Variants in NRXN3 observed in about 807,000 individuals in gnomAD.
NRXN3 encodes the protein neurexin III.
Under a neutral mutation model 137.6 loss-of-function variants are expected in NRXN3, and 32 were observed. That is an observed-to-expected ratio of 0.23 (90% confidence interval 0.18 to 0.31). NRXN3 has a LOEUF of 0.31. NRXN3 is among the 10% of genes least tolerant of loss of function. The probability of loss-of-function intolerance (pLI) is 1.00; values close to 1 mark genes in which losing one functional copy is unlikely to be tolerated. For missense variants in NRXN3, 1,574 were observed against 2,062.5 expected (o/e 0.76, Z 4.59); for synonymous variants, 798 against 784.5 (o/e 1.02, Z -0.29).
chr14:78,798,992 A>G (rs2098794), intron 8 of NRXN3, among the ~76,000 whole-genome samples: 149,826 of 152,296 alleles, frequency 0.98, 73,743 homozygotes, highest in East Asian at 1. Context: ...CTTCTGGGGC[A>G]CCTGCAGTTG....
intron 15 of NRXN3, among the ~76,000 whole-genome samples, chr14:79,235,827 T>C (rs1297586631): frequency 6.6e-6 from 1 of 152,122 alleles, no homozygotes; most frequent in East Asian, 1.9e-4. Flanking sequence ...GAGTAAAGAT[T>C]GTACTCATCA....
chr14:78,807,420 C>G (rs559091505), intron 9 of NRXN3, among the ~76,000 whole-genome samples: 1 of 152,184 alleles, frequency 6.6e-6, no homozygotes, highest in South Asian at 2.1e-4. Flanking sequence ...ATGCTCGACC[C>G]AAAGCTCAAC....
intron 6 of NRXN3, among the ~76,000 whole-genome samples, chr14:78,663,401 G>A (rs1485058083): frequency 6.6e-6 from 1 of 152,148 alleles, no homozygotes; most frequent in African/African-American, 2.4e-5. Context: ...TGAGAGGAAG[G>A]CAGTTTTTGC....
rs537950915 is a variant in NRXN3, at chr14:79,045,140, G to A, written c.3262+56999G>A. On this transcript the variant is annotated intron_variant, in intron 15 of 20. Transcript: ENST00000335750. The stretch of plus-strand genomic sequence containing the variant: ...AGACAATCCTACTCCCCCAATCCCC[G>A]TTTTCTGTTTATTTGTTTGATTCCT... Among the ~76,000 whole-genome samples the A allele has an allele frequency of 1.3e-4, 20 of 152,158 alleles. No individual in the cohort carries two copies. The South Asian group carries it at 1.5e-3, about 11-fold the overall frequency.
intron 15 of NRXN3, among the ~76,000 whole-genome samples, chr14:79,068,167 G>C (rs12884931): frequency 0.011 from 1,689 of 152,018 alleles, 12 homozygotes; most frequent in South Asian, 0.023. Context: ...TTTTATGTTC[G>C]ATTCTCAGAG....
intron 4 of NRXN3, among the ~76,000 whole-genome samples, chr14:78,514,474 C>T (rs2096170244): frequency 6.6e-6 from 1 of 152,012 alleles, no homozygotes; most frequent in African/African-American, 2.4e-5. Flanking sequence ...ACCCTTTGTG[C>T]CAGGAAGTAA....
intron 15 of NRXN3, among the ~76,000 whole-genome samples, chr14:79,124,602 G>T (rs945900022): frequency 6.6e-6 from 1 of 152,098 alleles, no homozygotes; most frequent in Non-Finnish European, 1.5e-5. Flanking sequence ...AACACAAGAG[G>T]ATACTGTTAA....
At chr14:79,377,340 C>T (rs1205318791) in intron 15 of NRXN3, among the ~76,000 whole-genome samples, 1 of 152,122 alleles carries the variant, frequency 6.6e-6, no homozygotes, top group Non-Finnish European at 1.5e-5. Context: ...TGATTGGAGC[C>T]TCTGAAACTT....
At position 78,425,956 on chromosome 14, in the gene NRXN3, C is replaced by A. The variant is rs866514355; in HGVS notation, c.757+128096C>A. ...ACGTGAGTGGCCTGGGCACCTGATT[C>A]TTGGAAGATCCAGAAGTGGCACTTC... On this transcript the variant is annotated intron_variant, in intron 4 of 20. Transcript: ENST00000335750. Among the ~76,000 whole-genome samples the A allele has an allele frequency of 2.0e-5, 3 of 152,182 alleles. No individual in the cohort carries two copies. In the South Asian group the frequency reaches 6.2e-4, roughly 32 times the overall value.
At chr14:79,839,360 A>G (rs543234251) in intron 20 of NRXN3, among the ~76,000 whole-genome samples, 1 of 152,222 alleles carries the variant, frequency 6.6e-6, no homozygotes, top group African/African-American at 2.4e-5. Flanking sequence ...GAGAAATGTG[A>G]TGCTCTTCAA....
At chr14:78,483,020 C>T (rs1001780402) in intron 4 of NRXN3, among the ~76,000 whole-genome samples, 8 of 152,104 alleles carry the variant, frequency 5.3e-5, no homozygotes, top group African/African-American at 1.7e-4. Flanking sequence ...TTCTCATTTC[C>T]CCACTAGATT....
At position 79,861,446 on chromosome 14, in the gene NRXN3, A is replaced by G; in HGVS notation, c.4198A>G (p.Thr1400Ala). The G allele has an allele frequency of 1.3e-6, 2 of 1,536,634 alleles. No individual in the cohort carries two copies. Among genetic ancestry groups the G allele is most frequent in the Non-Finnish European group, 1.7e-6 (2 of 1,147,020 alleles). Residue 1400 changes from threonine to alanine, a missense_variant, in exon 21 of 21, where the codon ACT becomes GCT. By Grantham distance (58) the Thr-to-Ala change is moderately conservative. Transcript: ENST00000335750. The surrounding 1 kb of genome is among the most constrained non-coding windows in gnomAD (Gnocchi z 5.4). The stretch of plus-strand genomic sequence containing the variant: ...TAACAAAGTCTCCGAAACTAGTAGG[A>G]CTACTACCACATCTTTATCCCCTGA... ...RPNKVSETSR[T>A]TTTSLSPELI...
At chr14:78,749,251 A>G (rs2098629484) in intron 8 of NRXN3, among the ~76,000 whole-genome samples, 1 of 152,176 alleles carries the variant, frequency 6.6e-6, no homozygotes, top group East Asian at 1.9e-4. Flanking sequence ...CACAGAAACT[A>G]TCGATTCCAA....
At chr14:79,141,756 C>T (rs2058806331) in intron 15 of NRXN3, among the ~76,000 whole-genome samples, 1 of 152,180 alleles carries the variant, frequency 6.6e-6, no homozygotes. Flanking sequence ...TGTGCCTTGT[C>T]ATAATGCAAA....
intron 7 of NRXN3, among the ~76,000 whole-genome samples, chr14:78,712,150 T>C (rs915180096): frequency 6.6e-6 from 1 of 152,214 alleles, no homozygotes; most frequent in African/African-American, 2.4e-5. Flanking sequence ...GATTCTAGTA[T>C]TGTCTTTACT....
At chr14:78,356,081 T>C (rs2084260532) in intron 4 of NRXN3, among the ~76,000 whole-genome samples, 1 of 152,230 alleles carries the variant, frequency 6.6e-6, no homozygotes, top group South Asian at 2.1e-4. Flanking sequence ...ATTTTACAAC[T>C]GTGATTGCAA....
At chr14:78,779,633 G>T (rs1213423081) in intron 8 of NRXN3, among the ~76,000 whole-genome samples, 1 of 151,894 alleles carries the variant, frequency 6.6e-6, no homozygotes, top group Non-Finnish European at 1.5e-5. Flanking sequence ...TTGGGTACAA[G>T]GTAAACATAT....
chr14:78,484,141 T>A (rs1247387978), intron 4 of NRXN3, among the ~76,000 whole-genome samples: 2 of 152,080 alleles, frequency 1.3e-5, no homozygotes, highest in African/African-American at 4.8e-5. Flanking sequence ...GAATGCAGAA[T>A]GTTAATGCAG....
chr14:78,497,342 C>A (rs2095801723), intron 4 of NRXN3, among the ~76,000 whole-genome samples: 1 of 152,054 alleles, frequency 6.6e-6, no homozygotes, highest in African/African-American at 2.4e-5. Context: ...GCCTCATTAC[C>A]CTTTAACTTA....
Sources: allele counts gnomAD v4.1 joint callset (sites outside exome capture counted in the v4.1 genomes callset), GRCh38; gene constraint gnomAD v4.1.1; non-coding constraint Gnocchi (gnomAD v3.1); transcripts MANE v1.5; gene names NCBI Gene and HGNC (gene_info 2026-07-23, HGNC 2026-07-21).